Variants in TKFC observed in about 807,000 individuals in gnomAD.
TKFC encodes the protein triokinase and FMN cyclase.
A neutral mutation model predicts 61.0 loss-of-function variants in TKFC; 46 were observed. That is an observed-to-expected ratio of 0.75 (90% CI 0.60 to 0.96). TKFC has a LOEUF of 0.96. TKFC is among the 50% of genes least tolerant of loss of function. TKFC has a pLI of 0.00. For synonymous variants in TKFC, 314 were observed against 330.1 expected (o/e 0.95, Z 0.53); for missense variants, 715 against 777.5 (o/e 0.92, Z 0.96).
Position 61,346,892 on chromosome 11 carries a change from T to C in TKFC, c.*389T>C. The C allele has an allele frequency of 1.0e-6, 1 of 1,003,360 alleles. No homozygotes were observed. 62.2% of individuals were successfully genotyped at this position (1,003,360 alleles called of 1,614,324 possible). On this transcript the variant is annotated 3_prime_UTR_variant, in exon 18 of 18. Coordinates refer to ENST00000394900, the MANE Select transcript of TKFC (RefSeq NM_015533.4). The surrounding 1 kb of genome is among the most constrained non-coding windows in gnomAD (Gnocchi z 4.1). ...ACCCCAGTGAGCGTGAAAAAGAAAGTTAATAAACTATAATACATGGAAGCA... is the reference window on the plus strand; with the variant it reads ...ACCCCAGTGAGCGTGAAAAAGAAAGCTAATAAACTATAATACATGGAAGCA...
chr11:61,341,643 C>A, intron 6 of TKFC, 129 bp downstream of exon 6: 1 of 1,273,972 alleles, frequency 7.8e-7, no homozygotes, highest in Non-Finnish European at 1.1e-6. Context: ...GGGAGTGTAT[C>A]CCTGGGGGAG....
intron 11 of TKFC, 132 bp from the exon 12 acceptor site, chr11:61,343,724 T>C: frequency 7.5e-7 from 1 of 1,329,486 alleles, no homozygotes. Flanking sequence ...AGTCCATGCT[T>C]GTCGAGGTGG....
intron 16 of TKFC, 30 bp from the exon 17 acceptor site, chr11:61,345,827 G>A (rs1227489516): frequency 1.2e-6 from 2 of 1,614,094 alleles, no homozygotes; most frequent in African/African-American, 1.3e-5. Context: ...CAGGGCCCGT[G>A]CTCAGCCCCC....
At position 61,344,196 on chromosome 11, in the gene TKFC, T is replaced by G. The variant is rs1184057394; in HGVS notation, c.1163T>G (p.Leu388Arg). 2 of 1,612,580 alleles carry G rather than the reference T, an allele frequency of 1.2e-6. No homozygotes were observed. Among genetic ancestry groups the G allele is most frequent in the Non-Finnish European group, 1.7e-6 (2 of 1,180,026 alleles). ...CGGGTGTGCAGCACTCTCCTGGGCCTGGAGGAACACCTGAATGCCCTGGAC... is the reference window on the plus strand; with the variant it reads ...CGGGTGTGCAGCACTCTCCTGGGCCGGGAGGAACACCTGAATGCCCTGGAC... Reference protein sequence around the residue: ...LERVCSTLLGLEEHLNALDRA... With the variant: ...LERVCSTLLGREEHLNALDRA... The change falls in exon 13 of 18, where the codon CTG (leucine) becomes CGG (arginine). Residue 388 changes from leucine (L) to arginine (R), a missense_variant. Physicochemically the swap from Leu to Arg is moderately radical, Grantham distance 102. Transcript: ENST00000394900.
chr11:61,344,975 C>A (rs557663578), intron 13 of TKFC, among the ~76,000 whole-genome samples: 39 of 152,182 alleles, frequency 2.6e-4, no homozygotes, highest in African/African-American at 8.9e-4. Context: ...ATCAGTAAAA[C>A]ACAGAGGATG....
chr11:61,341,548 G>A (rs1218289710), intron 6 of TKFC, 34 bp downstream of exon 6: 2 of 1,551,118 alleles, frequency 1.3e-6, no homozygotes, highest in East Asian at 2.4e-5. Context: ...GGAAGAGAGT[G>A]GGGAAGGTTG....
chr11:61,349,909 A>G (rs1312027845), downstream of TKFC: 2 of 508,006 alleles, frequency 3.9e-6, no homozygotes, highest in East Asian at 7.1e-5. Flanking sequence ...CACCTCCCTC[A>G]TGTTTCACAC....
downstream of TKFC, chr11:61,351,102 G>A (rs1220275715): frequency 6.2e-7 from 1 of 1,613,904 alleles, no homozygotes; most frequent in African/African-American, 1.3e-5. Flanking sequence ...TGTTGGCAAA[G>A]ACCGCCTCAC....
At chr11:61,342,961 C>T (rs957138120) in intron 10 of TKFC, 117 bp downstream of exon 10, 2 of 1,041,768 alleles carry the variant, frequency 1.9e-6, no homozygotes, top group East Asian at 2.6e-5. Flanking sequence ...AATCGTCTCT[C>T]TGCCACCTAA....
intron 2 of TKFC, chr11:61,336,421 A>G (rs935694502): frequency 2.0e-5 from 3 of 152,918 alleles, no homozygotes; most frequent in African/African-American, 7.2e-5. Flanking sequence ...CTCTGAGTCC[A>G]CGTTGGGCCC....
downstream of TKFC, chr11:61,350,719 G>T: frequency 1.7e-6 from 1 of 595,306 alleles, no homozygotes; most frequent in East Asian, 2.8e-5. Flanking sequence ...TGGGGAAGAA[G>T]ATAAGGCCAC....
intron 5 of TKFC, 55 bp downstream of exon 5, chr11:61,339,490 C>T: frequency 6.5e-7 from 1 of 1,532,842 alleles, no homozygotes; most frequent in Non-Finnish European, 8.8e-7. Flanking sequence ...CCTTCCCTTG[C>T]CTGGCAGCAC....
At chr11:61,351,202 C>G, downstream of TKFC, 1 of 1,534,732 alleles carries the variant, frequency 6.5e-7, no homozygotes, top group Middle Eastern at 1.8e-4. Flanking sequence ...CTATTTTTGT[C>G]TAGTGGGAGA....
In TKFC at chr11:61,343,337, T is replaced by C. The variant is rs561912915; in HGVS notation, c.866-5T>C. ...CTTTTGGACTGCCACACTCTGGTAT[T>C]GCAGAGGGCCGCGGGGTGAAGATTG... On this transcript the variant is annotated splice_region_variant and splice_polypyrimidine_tract_variant and intron_variant, in intron 10 of 17. Coordinates refer to ENST00000394900, the MANE Select transcript of TKFC (RefSeq NM_015533.4). 5 of 1,613,616 alleles carry C rather than the reference T, an allele frequency of 3.1e-6. No individual in the cohort carries two copies. The highest frequency in any genetic ancestry group is 2.7e-5 in the African/African-American group (2 of 75,046).
intron 13 of TKFC, 57 bp from the exon 14 acceptor site, chr11:61,345,200 GGAA>G (rs1376048727): frequency 2.2e-5 from 31 of 1,400,548 alleles, no homozygotes; most frequent in Admixed American, 4.6e-5. Context: ...GGTGCTGGCT[GGAA>G]GTCTGGCAGA....
intron 5 of TKFC, among the ~76,000 whole-genome samples, chr11:61,341,184 CT>C (rs934175953): frequency 3.9e-5 from 6 of 152,202 alleles, no homozygotes; most frequent in African/African-American, 1.2e-4. Flanking sequence ...GTCACCGCCC[CT>C]CTCTGGGTCC....
At chr11:61,339,802 C>T (rs1337407762) in intron 5 of TKFC, among the ~76,000 whole-genome samples, 11 of 152,146 alleles carry the variant, frequency 7.2e-5, no homozygotes, top group Admixed American at 7.2e-4. Context: ...TGCCTGCTTC[C>T]TGCCTTCTGG....
downstream of TKFC, chr11:61,350,384 C>T (rs763673265): frequency 6.2e-7 from 1 of 1,607,868 alleles, no homozygotes. Context: ...CTCTTGGGAG[C>T]CCCTTCCTGC....
chr11:61,341,913 G>A lies in TKFC; in HGVS notation c.655+1G>A, dbSNP rs777953943. 1.9e-6 allele frequency: 3 copies of A among 1,611,234 alleles called. No individual in the cohort carries two copies. The South Asian group carries it at 3.3e-5, about 18-fold the overall frequency. ...GCCGACGAGGTGGAGCTGGGCCTGG[G>A]TAAGCTTGTGGCCATCCATCCCAGC... On this transcript the variant is annotated splice_donor_variant, in intron 7 of 17. Transcript: ENST00000394900. LOFTEE classifies it high-confidence loss of function.
Sources: allele counts gnomAD v4.1 joint callset (sites outside exome capture counted in the v4.1 genomes callset), GRCh38; gene constraint gnomAD v4.1.1; non-coding constraint Gnocchi (gnomAD v3.1); transcripts MANE v1.5; gene names NCBI Gene and HGNC (gene_info 2026-07-23, HGNC 2026-07-21).